SLC8A1: variants seen among roughly 807,000 people sequenced by gnomAD.
SLC8A1 encodes sodium/calcium exchanger 1.
Under a neutral mutation model 68.3 loss-of-function variants are expected in SLC8A1, and 18 were observed. The ratio of observed to expected loss-of-function variants is 0.26; its 90% CI spans 0.18 to 0.39. The LOEUF (loss-of-function observed/expected upper bound fraction) is 0.39. Among genes scored for constraint, SLC8A1 ranks in the 10% least tolerant of loss-of-function variants. SLC8A1 has a pLI of 1.00. For synonymous variants in SLC8A1, 475 were observed against 415.5 expected, an observed-to-expected ratio of 1.14 and a Z score of -1.74; for missense variants, 985 against 1,156.7, an observed-to-expected ratio of 0.85 and a Z score of 2.15.
intron 2 of SLC8A1, among the ~76,000 whole-genome samples, chr2:40,283,522 G>C (rs1309438935): frequency 6.6e-6 from 1 of 152,198 alleles, no homozygotes; most frequent in Non-Finnish European, 1.5e-5. Flanking sequence ...CAATAGCACT[G>C]AGAAGATTTT....
chr2:40,347,878 T>C (rs1488509433), intron 2 of SLC8A1, among the ~76,000 whole-genome samples: 1 of 152,120 alleles, frequency 6.6e-6, no homozygotes, highest in East Asian at 1.9e-4. Context: ...ATAACAAAGA[T>C]AAGGAGATAA....
intron 1 of SLC8A1, among the ~76,000 whole-genome samples, chr2:40,434,384 G>A (rs948566209): frequency 1.3e-5 from 2 of 152,080 alleles, no homozygotes; most frequent in Admixed American, 6.6e-5. Flanking sequence ...AAATGCCCAC[G>A]AAGATGTGGA....
chr2:40,251,170 G>GAATT (rs1446376126), intron 2 of SLC8A1: 1 of 150,926 alleles, frequency 6.6e-6, no homozygotes, highest in Non-Finnish European at 1.5e-5. Flanking sequence ...TCTCTTTTTT[G>GAATT]AATTAAAAAA....
At chr2:40,403,000 A>C (rs1035105862) in intron 2 of SLC8A1, among the ~76,000 whole-genome samples, 3 of 152,318 alleles carry the variant, frequency 2.0e-5, no homozygotes, top group Non-Finnish European at 1.5e-5. Flanking sequence ...CCCTAATTAG[A>C]CATTTGTGCC....
chr2:40,145,656 AC>A (rs1416416124), intron 6 of SLC8A1, among the ~76,000 whole-genome samples: 3 of 152,234 alleles, frequency 2.0e-5, no homozygotes, highest in African/African-American at 7.2e-5. Flanking sequence ...AAGATGAAAG[AC>A]CTTAGCGATC....
chr2:40,487,029 C>T (rs1207636470), intron 1 of SLC8A1, among the ~76,000 whole-genome samples: 9 of 151,792 alleles, frequency 5.9e-5, no homozygotes, highest in East Asian at 3.9e-4. Flanking sequence ...CATCACACAC[C>T]GGGGCTTAAT....
At chr2:40,379,832 T>A (rs1431491838) in intron 2 of SLC8A1, among the ~76,000 whole-genome samples, 1 of 152,060 alleles carries the variant, frequency 6.6e-6, no homozygotes, top group African/African-American at 2.4e-5. Flanking sequence ...TTTCTAAATA[T>A]CTATTAAAGT....
intron 1 of SLC8A1, among the ~76,000 whole-genome samples, chr2:40,475,535 G>A (rs1406071823): frequency 6.6e-6 from 1 of 151,832 alleles, no homozygotes; most frequent in Non-Finnish European, 1.5e-5. Context: ...TAAATATTTA[G>A]TTTTTAATTC....
At chr2:40,335,320 A>T (rs1162066269) in intron 2 of SLC8A1, among the ~76,000 whole-genome samples, 1 of 152,258 alleles carries the variant, frequency 6.6e-6, no homozygotes, top group Non-Finnish European at 1.5e-5. Context: ...GAATATCAAA[A>T]TATGAAGAAG....
chr2:40,399,308 C>CGTA (rs1687957669), intron 2 of SLC8A1, among the ~76,000 whole-genome samples: 1 of 151,376 alleles, frequency 6.6e-6, no homozygotes, highest in Admixed American at 6.6e-5. Flanking sequence ...CCTCCTCTAC[C>CGTA]CCTCGTCTCC....
chr2:40,129,707 A>C (rs1190206414), intron 7 of SLC8A1, among the ~76,000 whole-genome samples: 1 of 152,234 alleles, frequency 6.6e-6, no homozygotes, highest in Non-Finnish European at 1.5e-5. Context: ...ACTCATTCAC[A>C]TAACACATGC....
chr2:40,356,604 GAA>G (rs35434132), intron 2 of SLC8A1, among the ~76,000 whole-genome samples: 3 of 146,998 alleles, frequency 2.0e-5, no homozygotes, highest in African/African-American at 7.5e-5. Context: ...AAGATACCAA[GAA>G]AAAAAAAAAC....
chr2:40,266,506 C>G (rs762926534), intron 2 of SLC8A1, among the ~76,000 whole-genome samples: 1 of 152,114 alleles, frequency 6.6e-6, no homozygotes. Flanking sequence ...TTGGAATGAG[C>G]TCTGCCCATT....
intron 2 of SLC8A1, among the ~76,000 whole-genome samples, chr2:40,303,909 C>G (rs1453316329): frequency 6.6e-6 from 1 of 152,154 alleles, no homozygotes; most frequent in African/African-American, 2.4e-5. Context: ...CCACCACAGT[C>G]TGGGCAGCAG....
At chr2:40,450,543 T>C (rs1173031292) in intron 1 of SLC8A1, among the ~76,000 whole-genome samples, 2 of 152,142 alleles carry the variant, frequency 1.3e-5, no homozygotes, top group Non-Finnish European at 2.9e-5. Context: ...TGATCAGAAA[T>C]CTCCACCTAC....
At chr2:40,430,234 C>A (rs1258924118) in exon 2 of SLC8A1, 1 of 1,613,334 alleles carries the variant, frequency 6.2e-7, no homozygotes. Context: ...CAGATGAAAT[C>A]CCATTGAAAA....
intron 2 of SLC8A1, among the ~76,000 whole-genome samples, chr2:40,308,443 A>C (rs2073073296): frequency 1.3e-5 from 2 of 152,154 alleles, no homozygotes; most frequent in Non-Finnish European, 2.9e-5. Flanking sequence ...ATGCTGATAC[A>C]ACATGCTACA....
At chr2:40,295,093 G>C (rs1038852307) in intron 2 of SLC8A1, among the ~76,000 whole-genome samples, 6 of 151,470 alleles carry the variant, frequency 4.0e-5, no homozygotes, top group Admixed American at 3.3e-4. Context: ...AGTTATTTAA[G>C]AAACAATTAT....
chr2:40,097,669 G>C (rs2033653317), exon 8 of SLC8A1: 1 of 152,026 alleles, frequency 6.6e-6, no homozygotes, highest in Non-Finnish European at 1.5e-5. Flanking sequence ...TGAAATGATA[G>C]TATGGTTGAA....
Sources: gnomAD v4.1 joint callset for allele counts (sites outside exome capture counted in the v4.1 genomes callset) on GRCh38, gnomAD v4.1.1 for gene constraint, MANE v1.5 for transcripts, NCBI Gene and HGNC (gene_info 2026-07-23, HGNC 2026-07-21) for gene names.